The following TTC29 variants were observed in gnomAD, a reference collection of about 807,000 sequenced individuals.
TTC29 encodes the protein tetratricopeptide repeat domain 29.
TTC29 carries 49 observed loss-of-function variants against 58.1 expected under a neutral mutation model. That is an observed-to-expected ratio of 0.84 (90% confidence interval 0.67 to 1.07). The LOEUF (loss-of-function observed/expected upper bound fraction) is 1.07. Among genes scored for constraint, TTC29 ranks in the 50% least tolerant of loss-of-function variants. TTC29 has a pLI of 0.00. For synonymous variants in TTC29, 209 were observed against 196.8 expected, an observed-to-expected ratio of 1.06 and a Z score of -0.52; for missense variants, 582 against 555.6, an observed-to-expected ratio of 1.05 and a Z score of -0.48.
chr4:146,856,270 T>C lies in TTC29; in HGVS notation c.885+11228A>G, dbSNP rs114542110. Among the ~76,000 whole-genome samples the C allele has an allele frequency of 5.5e-3, 834 of 152,246 alleles. 8 individuals are homozygous for C. The highest frequency in any genetic ancestry group is 0.019 in the African/African-American group (773 of 41,548). ...AATGTGAATACCTAGATACAAAAAC[T>C]TCAGCTTTGTAAAGAGCTACTGTAG... On this transcript the variant is annotated intron_variant, in intron 8 of 12. Coordinates refer to ENST00000325106, the MANE Select transcript of TTC29 (RefSeq NM_031956.4).
At chr4:146,759,023 A>C (rs1746670677) in intron 11 of TTC29, among the ~76,000 whole-genome samples, 1 of 152,130 alleles carries the variant, frequency 6.6e-6, no homozygotes, top group Non-Finnish European at 1.5e-5. Context: ...GAAATAAAAA[A>C]ATACAAAACA....
At chr4:146,811,677 C>T (rs1751034039) in intron 10 of TTC29, among the ~76,000 whole-genome samples, 1 of 152,176 alleles carries the variant, frequency 6.6e-6, no homozygotes, top group African/African-American at 2.4e-5. Context: ...CAGCTTTATA[C>T]CATTACAGCA....
chr4:146,931,212 T>A (rs1418898853), intron 4 of TTC29, among the ~76,000 whole-genome samples: 1 of 152,104 alleles, frequency 6.6e-6, no homozygotes, highest in East Asian at 1.9e-4. Context: ...ATTAGTATTA[T>A]AAGTTTGAAA....
intron 11 of TTC29, among the ~76,000 whole-genome samples, chr4:146,710,100 A>G (rs1193991929): frequency 6.6e-6 from 1 of 152,190 alleles, no homozygotes; most frequent in Non-Finnish European, 1.5e-5. Context: ...AGTAATATAC[A>G]GTCAAGTGTC....
intron 10 of TTC29, among the ~76,000 whole-genome samples, chr4:146,804,793 G>T (rs1024004837): frequency 4.0e-5 from 6 of 151,486 alleles, no homozygotes; most frequent in Non-Finnish European, 7.4e-5. Flanking sequence ...GGGGAAGGGA[G>T]GCTGTGGGCG....
At chr4:146,760,201 T>C (rs1746771177) in intron 11 of TTC29, among the ~76,000 whole-genome samples, 1 of 151,448 alleles carries the variant, frequency 6.6e-6, no homozygotes. Flanking sequence ...CTGCAAAAAA[T>C]TTAAAATACT....
At chr4:146,802,211 T>C (rs1195056025) in intron 11 of TTC29, among the ~76,000 whole-genome samples, 1 of 152,132 alleles carries the variant, frequency 6.6e-6, no homozygotes, top group African/African-American at 2.4e-5. Flanking sequence ...ATAGGTCATG[T>C]TTCCTCTGCA....
At chr4:146,937,188 T>G (rs1332979623) in intron 4 of TTC29, among the ~76,000 whole-genome samples, 2 of 152,010 alleles carry the variant, frequency 1.3e-5, no homozygotes, top group Non-Finnish European at 2.9e-5. Flanking sequence ...AGTGCTTGGG[T>G]GGAAAAGGAG....
In TTC29 at chr4:146,803,675, T is replaced by C. The variant is rs752503752; in HGVS notation, c.1112A>G (p.Asn371Ser). The change falls in exon 11 of 13, where the codon AAC becomes AGC. Residue 371 changes from asparagine to serine, a missense_variant. Transcript: ENST00000325106. ...GDIYNEKGYY[N>S]KASECFQQAF... Reference sequence around the variant, plus strand: ...TTGCTGAAAGCATTCAGAAGCTTTGTTGTAGTATCCCTAAAAAGGTAAGAG... The same window carrying C: ...TTGCTGAAAGCATTCAGAAGCTTTGCTGTAGTATCCCTAAAAAGGTAAGAG... The C allele has an allele frequency of 4.4e-6, 7 of 1,584,546 alleles. No individual in the cohort carries two copies. Among genetic ancestry groups the C allele is most frequent in the Non-Finnish European group, 6.0e-6 (7 of 1,161,466 alleles).
intron 4 of TTC29, among the ~76,000 whole-genome samples, chr4:146,927,074 C>T (rs58955409): frequency 0.066 from 8,843 of 134,152 alleles, 984 homozygotes; most frequent in African/African-American, 0.23. Flanking sequence ...GAGCAAGACC[C>T]CATCTCAAAA....
chr4:146,707,767 C>T (rs187206640), intron 11 of TTC29, among the ~76,000 whole-genome samples: 5 of 152,192 alleles, frequency 3.3e-5, no homozygotes, highest in African/African-American at 7.2e-5. Flanking sequence ...TGTCAATCCC[C>T]CATGAAGAAG....
chr4:146,728,806 CATATAT>C (rs1166582892), intron 11 of TTC29, among the ~76,000 whole-genome samples: 1 of 124,300 alleles, frequency 8.0e-6, no homozygotes, highest in Non-Finnish European at 1.7e-5. Context: ...TATATATACA[CATATAT>C]ATGTGTATAT....
chr4:146,857,453 A>G (rs752465416), intron 8 of TTC29, among the ~76,000 whole-genome samples: 108 of 152,100 alleles, frequency 7.1e-4, no homozygotes, highest in Non-Finnish European at 1.3e-3. Context: ...GATGTAAAGC[A>G]GGAAAATGAC....
At chr4:146,745,786 C>T (rs1745497730) in intron 11 of TTC29, among the ~76,000 whole-genome samples, 1 of 152,108 alleles carries the variant, frequency 6.6e-6, no homozygotes, top group Non-Finnish European at 1.5e-5. Context: ...ATAAAGGCTA[C>T]CCAATATTTT....
At chr4:146,817,421 T>G (rs528299949) in intron 10 of TTC29, among the ~76,000 whole-genome samples, 181 of 152,028 alleles carry the variant, frequency 1.2e-3, no homozygotes, top group African/African-American at 4.1e-3. Context: ...CACTGCTCAA[T>G]GAAATAAAAG....
At chr4:146,728,058 G>A (rs1470794407) in intron 11 of TTC29, among the ~76,000 whole-genome samples, 1 of 152,068 alleles carries the variant, frequency 6.6e-6, no homozygotes, top group Non-Finnish European at 1.5e-5. Context: ...AGGCCAAGGT[G>A]GGTGGGTCAC....
intron 11 of TTC29, among the ~76,000 whole-genome samples, chr4:146,782,778 T>C (rs941915114): frequency 1.3e-5 from 2 of 152,040 alleles, no homozygotes; most frequent in African/African-American, 4.8e-5. Flanking sequence ...ATTCTGTAAT[T>C]ATTACTTTAC....
At chr4:146,800,692 A>C (rs998969839) in intron 11 of TTC29, among the ~76,000 whole-genome samples, 12 of 152,180 alleles carry the variant, frequency 7.9e-5, no homozygotes, top group Non-Finnish European at 1.5e-4. Flanking sequence ...CGTTAATGCA[A>C]ACTAGTTTAT....
At chr4:146,863,121 CAAA>C (rs577730929) in intron 8 of TTC29, among the ~76,000 whole-genome samples, 11 of 76,588 alleles carry the variant, frequency 1.4e-4, no homozygotes, top group Admixed American at 3.0e-4. Context: ...GACTCCGCCT[CAAA>C]AAAAAAAAAA....
Sources: gnomAD v4.1 joint callset for allele counts (sites outside exome capture counted in the v4.1 genomes callset) on GRCh38, gnomAD v4.1.1 for gene constraint, MANE v1.5 for transcripts, NCBI Gene and HGNC (gene_info 2026-07-23, HGNC 2026-07-21) for gene names.